FOXP1: variants seen among roughly 807,000 people sequenced by gnomAD.
The protein encoded by FOXP1 is forkhead box P1.
In FOXP1, 15 loss-of-function variants were observed where a neutral mutation model predicts 98.2. The observed-to-expected ratio is 0.15, with a 90% CI of 0.10 to 0.24. The LOEUF (loss-of-function observed/expected upper bound fraction) is 0.24, where lower values mean the gene tolerates loss of function less well. FOXP1 is among the 10% of genes least tolerant of loss of function. The pLI, the probability that FOXP1 is intolerant of heterozygous loss-of-function variation, is 1.00. For missense variants in FOXP1, 633 were observed against 848.5 expected (o/e 0.75, Z 3.15); for synonymous variants, 371 against 314.5 (o/e 1.18, Z -1.90).
At chr3:71,441,356 C>T (rs574670279) in intron 3 of FOXP1, among the ~76,000 whole-genome samples, 140 of 152,342 alleles carry the variant, frequency 9.2e-4, no homozygotes, top group Non-Finnish European at 1.6e-3. Flanking sequence ...CACATCCCAC[C>T]GTGCACAGCA....
rs150274655 is a variant in FOXP1, at chr3:71,356,564, C to T, written c.-73+2586G>A. 2.0e-3 allele frequency among the ~76,000 whole-genome samples: 307 copies of T among 152,260 alleles called. 1 individual carries two copies. The highest frequency in any genetic ancestry group is 7.2e-3 in the African/African-American group (298 of 41,558). On this transcript the variant is annotated intron_variant, in intron 4 of 20. Coordinates refer to ENST00000649528, the MANE Select transcript of FOXP1 (RefSeq NM_001349338.3). The stretch of plus-strand genomic sequence containing the variant: ...CTGGCATTTATGATGTACCAGGATC[C>T]GTGCTAAGCTCTTTACAAGCATCAC...
chr3:70,966,274 C>A, intron 19 of FOXP1: 1 of 575,800 alleles, frequency 1.7e-6, no homozygotes, highest in South Asian at 1.9e-5. Flanking sequence ...CCAGGGGGGA[C>A]CAAGTGCCTG....
At chr3:71,573,331 G>C (rs1334429368) in intron 2 of FOXP1, among the ~76,000 whole-genome samples, 1 of 152,130 alleles carries the variant, frequency 6.6e-6, no homozygotes, top group Non-Finnish European at 1.5e-5. Flanking sequence ...TCGCCAGGTG[G>C]AGAGTCCCTC....
chr3:71,390,428 A>G (rs1459509471), intron 3 of FOXP1, among the ~76,000 whole-genome samples: 1 of 152,174 alleles, frequency 6.6e-6, no homozygotes, highest in Non-Finnish European at 1.5e-5. Context: ...CAGGAAATGC[A>G]AAGGAAGTGT....
intron 3 of FOXP1, among the ~76,000 whole-genome samples, chr3:71,415,650 C>T (rs1335824539): frequency 6.6e-6 from 1 of 150,772 alleles, no homozygotes. Context: ...CAGACAGACA[C>T]ATCATTAGGA....
intron 3 of FOXP1, among the ~76,000 whole-genome samples, chr3:71,411,235 A>G (rs886285290): frequency 1.3e-5 from 2 of 151,548 alleles, no homozygotes; most frequent in African/African-American, 2.4e-5. Flanking sequence ...CCCCCTCCAG[A>G]GTGGACAAAC....
chr3:71,026,927 A>G (rs900215324), intron 11 of FOXP1, among the ~76,000 whole-genome samples: 2 of 152,242 alleles, frequency 1.3e-5, no homozygotes, highest in African/African-American at 4.8e-5. Flanking sequence ...TGATGAGTGA[A>G]GGAATAAATA....
rs1274505584 is a variant in FOXP1, at chr3:71,331,788, TC to T, written c.-73+27361del. On this transcript the variant is annotated intron_variant, in intron 4 of 20. Transcript: ENST00000649528. ...GGATTGTAAATACGCCAATCAGTAC[TC>T]TGTGTCTACCTCAAGGTTTGTCAAC... Among the ~76,000 whole-genome samples, 19 of 152,270 alleles carry T rather than the reference TC, an allele frequency of 1.2e-4. No homozygotes were observed. The South Asian group carries it at 2.5e-3, about 20-fold the overall frequency.
intron 2 of FOXP1, among the ~76,000 whole-genome samples, chr3:71,518,753 T>C (rs530223830): frequency 2.0e-5 from 3 of 152,236 alleles, no homozygotes; most frequent in African/African-American, 7.2e-5. Flanking sequence ...AACATTTGTA[T>C]GTTTATTTGT....
intron 3 of FOXP1, among the ~76,000 whole-genome samples, chr3:71,411,971 A>G (rs1331558508): frequency 6.6e-6 from 1 of 152,236 alleles, no homozygotes; most frequent in Non-Finnish European, 1.5e-5. Context: ...CTAAAAGTAA[A>G]GCCTAAAAGT....
chr3:71,244,771 C>A (rs1000389437), intron 5 of FOXP1: 1 of 151,738 alleles, frequency 6.6e-6, no homozygotes, highest in Non-Finnish European at 1.5e-5. Context: ...AAAAGACCTC[C>A]GCAATATTTC....
intron 3 of FOXP1, among the ~76,000 whole-genome samples, chr3:71,414,914 A>G (rs1183377953): frequency 6.6e-6 from 1 of 152,248 alleles, no homozygotes; most frequent in Non-Finnish European, 1.5e-5. Context: ...GCTTCACATT[A>G]ATAATCCATT....
intron 4 of FOXP1, among the ~76,000 whole-genome samples, chr3:71,336,639 G>A (rs561514199): frequency 6.6e-6 from 1 of 152,322 alleles, no homozygotes; most frequent in African/African-American, 2.4e-5. Flanking sequence ...AGTAGATGAA[G>A]AATAAAATTA....
At chr3:71,329,436 TG>T in intron 4 of FOXP1, among the ~76,000 whole-genome samples, 1 of 132,720 alleles carries the variant, frequency 7.5e-6, no homozygotes, top group African/African-American at 2.5e-5. Context: ...TTAGCTAGGA[TG>T]GTCTTGATCT....
chr3:71,078,791 C>T (rs1415299328), intron 7 of FOXP1, among the ~76,000 whole-genome samples: 2 of 151,872 alleles, frequency 1.3e-5, no homozygotes, highest in African/African-American at 4.8e-5. Flanking sequence ...GAGGAAAGAC[C>T]CACAGGAAGA....
chr3:71,385,698 G>C (rs1035441460), intron 3 of FOXP1, among the ~76,000 whole-genome samples: 1 of 152,134 alleles, frequency 6.6e-6, no homozygotes, highest in South Asian at 2.1e-4. Flanking sequence ...ATATGTATAG[G>C]TATGTGTCTG....
intron 5 of FOXP1, among the ~76,000 whole-genome samples, chr3:71,296,694 C>T (rs574763663): frequency 7.0e-6 from 1 of 142,142 alleles, no homozygotes; most frequent in South Asian, 2.2e-4. Context: ...AATGTGTCCC[C>T]TCCAAATCTC....
rs987626290 is a variant in FOXP1, at chr3:70,959,183, T to C, written c.*64A>G. 8 of 1,561,710 alleles carry C rather than the reference T, an allele frequency of 5.1e-6. No individual in the cohort carries two copies. In the African/African-American group the frequency reaches 8.4e-5, roughly 16 times the overall value. On this transcript the variant is annotated 3_prime_UTR_variant, in exon 21 of 21. Transcript: ENST00000649528. ...TGGAGAACAATTTCACTGCTAACTT[T>C]TGACGTGTTTTTTTTTTTTTCCTTT...
At chr3:71,551,878 T>G (rs74812189) in intron 2 of FOXP1, among the ~76,000 whole-genome samples, 2,781 of 152,308 alleles carry the variant, frequency 0.018, 75 homozygotes, top group African/African-American at 0.064. Flanking sequence ...CCTTAAGTTT[T>G]TCATATTATT....
Sources: allele counts gnomAD v4.1 joint callset (sites outside exome capture counted in the v4.1 genomes callset), GRCh38; gene constraint gnomAD v4.1.1; transcripts MANE v1.5; gene names NCBI Gene and HGNC (gene_info 2026-07-23, HGNC 2026-07-21).